The following SEPSECS variants were observed in gnomAD, a reference collection of about 807,000 sequenced individuals.
The protein encoded by SEPSECS is O-phosphoseryl-tRNA(Sec) selenium transferase.
In SEPSECS, 42 loss-of-function variants were observed where a neutral mutation model predicts 52.1. The observed-to-expected ratio is 0.81, with a 90% CI of 0.63 to 1.04. The LOEUF (loss-of-function observed/expected upper bound fraction) is 1.04. SEPSECS is among the 50% of genes least tolerant of loss of function. SEPSECS has a pLI of 0.00. For synonymous variants in SEPSECS, 216 were observed against 211.4 expected (o/e 1.02, Z -0.19); for missense variants, 590 against 610.6 (o/e 0.97, Z 0.36).
At chr4:25,143,369 C>A (rs907375803) in intron 8 of SEPSECS, among the ~76,000 whole-genome samples, 1 of 152,188 alleles carries the variant, frequency 6.6e-6, no homozygotes, top group African/African-American at 2.4e-5. Context: ...CTTTAGCAAC[C>A]ATTAATCTTT....
chr4:25,141,393 A>C (rs981796511), intron 8 of SEPSECS, among the ~76,000 whole-genome samples: 2 of 151,640 alleles, frequency 1.3e-5, no homozygotes, highest in African/African-American at 4.9e-5. Flanking sequence ...TGTATATCCT[A>C]CTCTCTACTT....
At chr4:25,151,528 A>T (rs937085939) in intron 6 of SEPSECS, among the ~76,000 whole-genome samples, 3 of 152,232 alleles carry the variant, frequency 2.0e-5, no homozygotes, top group Non-Finnish European at 2.9e-5. Flanking sequence ...TTAAAAAAAA[A>T]TACAAAAACC....
At position 25,124,198 on chromosome 4, in the gene SEPSECS, A is replaced by C. The variant is rs1728263491; in HGVS notation, c.1239T>G (p.Thr413=). ...ARVVPLGSMQ[T]VSGYTFRGFM... ...AGCCTCTGAAAGTATAGCCACTCACAGTTTGCATGGACCCAAGAGGCACAA... is the reference window on the plus strand; with the variant it reads ...AGCCTCTGAAAGTATAGCCACTCACCGTTTGCATGGACCCAAGAGGCACAA... The change falls in exon 11 of 11, where the codon ACT becomes ACG. Residue 413 remains threonine, a synonymous_variant. Transcript: ENST00000382103. 1.2e-6 allele frequency: 2 copies of C among 1,613,432 alleles called. No homozygotes were observed. Among genetic ancestry groups the C allele is most frequent in the South Asian group, 1.1e-5 (1 of 91,060 alleles).
chr4:25,135,029 C>T (rs1014673479), intron 8 of SEPSECS, among the ~76,000 whole-genome samples: 4 of 152,018 alleles, frequency 2.6e-5, no homozygotes, highest in Non-Finnish European at 2.9e-5. Flanking sequence ...AAAGAGATAA[C>T]ATACTGGAAT....
Position 25,123,452 on chromosome 4 carries a change from T to C in SEPSECS, c.*479A>G, listed in dbSNP as rs1728215660. 2 of 174,926 alleles carry C rather than the reference T, an allele frequency of 1.1e-5. No homozygotes were observed. The highest frequency in any genetic ancestry group is 2.4e-5 in the African/African-American group (1 of 41,748). 10.8% of individuals were successfully genotyped at this position (174,926 alleles called of 1,614,324 possible). A position where few individuals can be genotyped will look rare whatever the true frequency, so the allele number is the denominator to read the frequency against. On this transcript the variant is annotated 3_prime_UTR_variant, in exon 11 of 11. Transcript: ENST00000382103. ...CTGCTTTTGAGTCAAAACGAAAGTT[T>C]ATACCTTGACTCTGCTTCCTTGGGG...
intron 5 of SEPSECS, among the ~76,000 whole-genome samples, chr4:25,154,758 G>T (rs1047189540): frequency 6.6e-6 from 1 of 152,120 alleles, no homozygotes; most frequent in Non-Finnish European, 1.5e-5. Context: ...GAGACGGTCT[G>T]CATCGACTCA....
chr4:25,159,843 A>C, intron 1 of SEPSECS: 1 of 1,088,212 alleles, frequency 9.2e-7, no homozygotes, highest in East Asian at 8.7e-5. Context: ...GAGACCTGTG[A>C]AGTTCCGCGG....
chr4:25,145,019 T>C lies in SEPSECS; in HGVS notation c.919A>G (p.Ser307Gly), dbSNP rs150309842. The C allele has an allele frequency of 2.2e-4, 349 of 1,614,024 alleles. No homozygotes were observed. In the African/African-American group the frequency reaches 4.1e-3, roughly 19 times the overall value. The change falls in exon 7 of 11, where the codon AGC becomes GGC. Residue 307 changes from serine (S) to glycine (G), a missense_variant. Physicochemically the swap from Ser to Gly is moderately conservative, Grantham distance 56. Transcript: ENST00000382103. ...GFNDSFIQEI[S>G]KMYPGRASAS... ...ATTTATTTACCTGGATACATCTTGC[T>C]GATTTCCTGAATGAATGAATCATTA...
chr4:25,124,893 C>A (rs1349445300), intron 10 of SEPSECS, among the ~76,000 whole-genome samples: 6 of 151,682 alleles, frequency 4.0e-5, no homozygotes, highest in African/African-American at 2.4e-5. Flanking sequence ...AGTTTAATCG[C>A]TTAGCTTTTT....
chr4:25,159,136 T>A, intron 1 of SEPSECS, 29 bp from the exon 2 acceptor site: 1 of 1,496,996 alleles, frequency 6.7e-7, no homozygotes, highest in Non-Finnish European at 9.0e-7. Context: ...CTTATGATTA[T>A]ATTTAATAAA....
intron 8 of SEPSECS, among the ~76,000 whole-genome samples, chr4:25,136,634 C>T (rs1344508744): frequency 6.6e-6 from 1 of 152,108 alleles, no homozygotes; most frequent in East Asian, 1.9e-4. Context: ...AATGGCCACA[C>T]TGCCCAAAGA....
chr4:25,154,893 T>C (rs574884005), intron 5 of SEPSECS, 105 bp downstream of exon 5: 2 of 1,179,558 alleles, frequency 1.7e-6, no homozygotes, highest in African/African-American at 1.5e-5. Flanking sequence ...GAACAGACCA[T>C]TCACCTATTT....
At chr4:25,160,150 T>C (rs1346916895) in intron 1 of SEPSECS, 106 bp downstream of exon 1, 2 of 1,523,084 alleles carry the variant, frequency 1.3e-6, no homozygotes, top group South Asian at 1.2e-5. Context: ...TTGGGACTAG[T>C]CTCAAGCAGC....
chr4:25,144,719 T>C, intron 8 of SEPSECS, 55 bp downstream of exon 8: 1 of 1,248,388 alleles, frequency 8.0e-7, no homozygotes, highest in East Asian at 2.3e-5. Context: ...ACACCAATGA[T>C]TTGGAGCACA....
At chr4:25,124,718 T>C (rs1472074754) in intron 10 of SEPSECS, among the ~76,000 whole-genome samples, 1 of 152,140 alleles carries the variant, frequency 6.6e-6, no homozygotes, top group Non-Finnish European at 1.5e-5. Flanking sequence ...AGTCTAACTA[T>C]CTGATCAGTG....
At chr4:25,157,745 C>T (rs895639881) in intron 2 of SEPSECS, among the ~76,000 whole-genome samples, 5 of 152,040 alleles carry the variant, frequency 3.3e-5, no homozygotes, top group Admixed American at 2.6e-4. Flanking sequence ...CGGGGTTTCA[C>T]CATGTTAGCC....
chr4:25,134,845 A>G (rs568727232), intron 8 of SEPSECS, among the ~76,000 whole-genome samples: 7 of 152,324 alleles, frequency 4.6e-5, no homozygotes, highest in Non-Finnish European at 8.8e-5. Flanking sequence ...CAAATGCAAA[A>G]GAACTGAAAT....
chr4:25,126,511 C>G (rs1728380006), intron 9 of SEPSECS, among the ~76,000 whole-genome samples: 1 of 152,100 alleles, frequency 6.6e-6, no homozygotes. Flanking sequence ...ACCTTCCTTA[C>G]TTTCTTCAGA....
At chr4:25,160,570 A>C (rs759129951), upstream of SEPSECS, 128 of 513,956 alleles carry the variant, frequency 2.5e-4, no homozygotes, top group Non-Finnish European at 3.9e-4. Flanking sequence ...TCCAGGAGGA[A>C]GTTGGCGTAT....
Sources: allele counts gnomAD v4.1 joint callset (sites outside exome capture counted in the v4.1 genomes callset), GRCh38; gene constraint gnomAD v4.1.1; transcripts MANE v1.5; gene names NCBI Gene and HGNC (gene_info 2026-07-23, HGNC 2026-07-21).